GMNC: variants seen among roughly 807,000 people sequenced by gnomAD.
The protein encoded by GMNC is geminin coiled-coil domain containing, also known as geminin coiled-coil domain-containing protein 1.
In GMNC, 16 loss-of-function variants were observed where a neutral mutation model predicts 33.6. The ratio of observed to expected loss-of-function variants is 0.48; its 90% CI spans 0.32 to 0.72. GMNC has a LOEUF of 0.72. Among genes scored for constraint, GMNC ranks in the 30% least tolerant of loss-of-function variants. The pLI is 0.03. For synonymous variants in GMNC, 156 were observed against 147.3 expected, an observed-to-expected ratio of 1.06 and a Z score of -0.43; for missense variants, 393 against 388.9, an observed-to-expected ratio of 1.01 and a Z score of -0.09.
chr3:190,860,605 C>T (rs1462667487), intron 2 of GMNC, 79 bp downstream of exon 2: 4 of 1,260,722 alleles, frequency 3.2e-6, no homozygotes, highest in Non-Finnish European at 4.3e-6. Flanking sequence ...ATTCTAGAGT[C>T]CCAGCCCATG....
At chr3:190,855,979 C>T (rs898833927) in intron 4 of GMNC, 64 bp from the exon 5 acceptor site, 23 of 1,254,864 alleles carry the variant, frequency 1.8e-5, no homozygotes, top group East Asian at 7.6e-5. Flanking sequence ...TAAATTATTT[C>T]GGAAAAAATG....
At chr3:190,859,814 T>A (rs1302719548) in intron 2 of GMNC, 1 of 455,320 alleles carries the variant, frequency 2.2e-6, no homozygotes, top group Non-Finnish European at 4.4e-6. Flanking sequence ...GGTTATATTG[T>A]TGATACTGAA....
At chr3:190,852,382 T>A (rs183595636), downstream of GMNC, among the ~76,000 whole-genome samples, 56 of 152,286 alleles carry the variant, frequency 3.7e-4, 2 homozygotes, top group East Asian at 6.6e-3. Context: ...ATCACTGAAG[T>A]CTTAAATAAT....
rs1306662114 is a variant in GMNC, at chr3:190,853,469, A to T, written c.*1826T>A. On this transcript the variant is annotated 3_prime_UTR_variant, in exon 5 of 5. Transcript: ENST00000442080. ...ACTCCAGAGAGTAATATTAATTACT[A>T]TATTGGATTTTCTTCATAAATTATT... 3 of 152,138 alleles carry T rather than the reference A, an allele frequency of 2.0e-5. No individual in the cohort carries two copies. Among genetic ancestry groups the T allele is most frequent in the African/African-American group, 7.2e-5 (3 of 41,452 alleles). 9.4% of individuals were successfully genotyped at this position (152,138 alleles called of 1,614,324 possible).
At position 190,855,052 on chromosome 3, in the gene GMNC, T is replaced by C. The variant is rs111911409; in HGVS notation, c.*243A>G. 0.016 allele frequency: 8,217 copies of C among 503,256 alleles called. 132 individuals carry two copies. The highest frequency in any genetic ancestry group is 0.04 in the South Asian group (1,703 of 42,072). 31.2% of individuals were successfully genotyped at this position (503,256 alleles called of 1,614,324 possible). A position where few individuals can be genotyped will look rare whatever the true frequency, so the allele number is the denominator to read the frequency against. ...TATCAAGTATAGGGCAAAGAGAGGA[T>C]GTCAATAGCAGGTATTGGTGTGTAA... On this transcript the variant is annotated 3_prime_UTR_variant, in exon 5 of 5. Coordinates refer to ENST00000442080, the MANE Select transcript of GMNC (RefSeq NM_001146686.3).
intron 3 of GMNC, chr3:190,858,207 A>T: frequency 3.5e-6 from 1 of 283,826 alleles, no homozygotes; most frequent in Admixed American, 4.7e-5. Context: ...AACTGTTTAA[A>T]TATAGAAAAT....
In GMNC at chr3:190,861,291, G is replaced by T. The variant is rs527948251; in HGVS notation, c.4-433C>A. On this transcript the variant is annotated intron_variant, in intron 1 of 4. Transcript: ENST00000442080. This position sits in a 1 kb window ranked among gnomAD's most constrained non-coding sequence, Gnocchi z 5.1. ...CTAAAACTCCTGAAGGACAAAGAAC[G>T]CAGAATGCTAAAGCTGAAATGGATG... Among the ~76,000 whole-genome samples the T allele has an allele frequency of 6.6e-6, 1 of 152,180 alleles. No homozygotes were observed. Among genetic ancestry groups the T allele is most frequent in the Admixed American group, 6.5e-5 (1 of 15,280 alleles).
Position 190,859,012 on chromosome 3 carries a change from T to G in GMNC, c.183A>C (p.Ser61=). ...ELQQAPQAQE[S]FSDSNFPLPD... is the part of the protein sequence containing the mutation. The stretch of plus-strand genomic sequence containing the variant: ...GAAGAGGAAAATTTGAGTCACTGAA[T>G]GATTCTGTGAAAATACAAATAGATA... Residue 61 remains serine (S), a synonymous_variant, in exon 3 of 5, where the codon TCA becomes TCC. Coordinates refer to ENST00000442080, the MANE Select transcript of GMNC (RefSeq NM_001146686.3). The G allele has an allele frequency of 1.3e-6, 2 of 1,536,568 alleles. No individual in the cohort carries two copies. The highest frequency in any genetic ancestry group is 1.7e-4 in the Middle Eastern group (1 of 5,968).
In GMNC at chr3:190,853,210, A is replaced by G; in HGVS notation, c.*2085T>C. On this transcript the variant is annotated 3_prime_UTR_variant, in exon 5 of 5. Coordinates refer to ENST00000442080, the MANE Select transcript of GMNC (RefSeq NM_001146686.3). ...GGCACACAAAGAATGCAAAATAAAT[A>G]TTTGTTAACTCATACATTTCCTTTT... is the stretch of plus-strand genomic sequence containing the variant. The G allele has an allele frequency of 6.6e-6, 1 of 152,132 alleles. No homozygotes were observed. Among genetic ancestry groups the G allele is most frequent in the East Asian group, 1.9e-4 (1 of 5,188 alleles). 9.4% of individuals were successfully genotyped at this position (152,132 alleles called of 1,614,324 possible). A position where few individuals can be genotyped will look rare whatever the true frequency, so the allele number is the denominator to read the frequency against.
At chr3:190,845,508 C>CTTTTTTTTTTT in the GMNC span, among the ~76,000 whole-genome samples, 8 of 125,800 alleles carry the variant, frequency 6.4e-5, 1 homozygote, top group African/African-American at 2.2e-4. Context: ...ATTTTGAAAC[C>CTTTTTTTTTTT]TTTTTTTTTT....
chr3:190,844,301 C>T, the GMNC span, among the ~76,000 whole-genome samples: 2 of 151,918 alleles, frequency 1.3e-5, no homozygotes, highest in Non-Finnish European at 2.9e-5. Flanking sequence ...ATCCCAAATT[C>T]TCTTTTTTTC....
At chr3:190,859,805 G>A (rs1182459127) in intron 2 of GMNC, 1 of 454,478 alleles carries the variant, frequency 2.2e-6, no homozygotes, top group Non-Finnish European at 4.4e-6. Flanking sequence ...TCCTTCTCTG[G>A]TTATATTGTT....
chr3:190,845,013 T>C, the GMNC span, among the ~76,000 whole-genome samples: 1 of 152,128 alleles, frequency 6.6e-6, no homozygotes, highest in Non-Finnish European at 1.5e-5. Flanking sequence ...GAAAATAATG[T>C]ACATTATTTA....
the GMNC span, among the ~76,000 whole-genome samples, chr3:190,844,018 T>G: frequency 6.6e-6 from 1 of 152,208 alleles, no homozygotes; most frequent in Non-Finnish European, 1.5e-5. Flanking sequence ...TCCAGAATGG[T>G]TACTTCTTAT....
rs1737884425 is a variant in GMNC, at chr3:190,862,155, TTTA to T, written c.3+455_3+457del. On this transcript the variant is annotated intron_variant, in intron 1 of 4. Transcript: ENST00000442080. The surrounding 1 kb of genome is among the most constrained non-coding windows in gnomAD (Gnocchi z 4.5). ...TTTGCAGACTCTTTCCCTGAGGTTT[TTTA>T]TTTTTTATTTTATTTTTTGGAATCA... Among the ~76,000 whole-genome samples the T allele has an allele frequency of 6.6e-6, 1 of 152,346 alleles. No homozygotes were observed. The highest frequency in any genetic ancestry group is 1.9e-4 in the East Asian group (1 of 5,190).
At chr3:190,852,281 A>G (rs2108528574), downstream of GMNC, among the ~76,000 whole-genome samples, 1 of 152,242 alleles carries the variant, frequency 6.6e-6, no homozygotes, top group African/African-American at 2.4e-5. Flanking sequence ...CCTTTAAAAA[A>G]GTCGTTTTCT....
At chr3:190,845,758 T>C in the GMNC span, among the ~76,000 whole-genome samples, 1,592 of 152,040 alleles carry the variant, frequency 0.01, 28 homozygotes, top group African/African-American at 0.037. Flanking sequence ...CCGCCTGCCT[T>C]AGCCTCCCAA....
the GMNC span, among the ~76,000 whole-genome samples, chr3:190,847,240 A>G: frequency 9.8e-5 from 15 of 152,312 alleles, no homozygotes; most frequent in East Asian, 2.9e-3. Flanking sequence ...TTGCCCCAAC[A>G]TAGCTTCCAG....
intron 2 of GMNC, 39 bp downstream of exon 2, chr3:190,860,645 G>A: frequency 1.3e-6 from 2 of 1,511,302 alleles, no homozygotes; most frequent in Non-Finnish European, 8.9e-7. Context: ...ATGGAAAAGA[G>A]CTCCAGATCT....
Sources: allele counts gnomAD v4.1 joint callset (sites outside exome capture counted in the v4.1 genomes callset), GRCh38; gene constraint gnomAD v4.1.1; non-coding constraint Gnocchi (gnomAD v3.1); transcripts MANE v1.5; gene names NCBI Gene and HGNC (gene_info 2026-07-23, HGNC 2026-07-21).